The following SORBS2 variants were observed in gnomAD, a reference collection of about 807,000 sequenced individuals.
SORBS2 encodes the protein sorbin and SH3 domain containing 2, also known as sorbin and SH3 domain-containing protein 2.
A neutral mutation model predicts 97.7 loss-of-function variants in SORBS2; 46 were observed. The observed-to-expected ratio is 0.47, with a 90% CI of 0.37 to 0.60. SORBS2 has a LOEUF of 0.60. Among genes scored for constraint, SORBS2 ranks in the 20% least tolerant of loss-of-function variants. SORBS2 has a pLI of 0.00. For synonymous variants in SORBS2, 476 were observed against 473.4 expected, an observed-to-expected ratio of 1.01 and a Z score of -0.07; for missense variants, 1,316 against 1,282.3, an observed-to-expected ratio of 1.03 and a Z score of -0.40.
In SORBS2 at chr4:185,650,602, C is replaced by T. The variant is rs2097297048; in HGVS notation, c.92-946G>A. 3.3e-5 allele frequency among the ~76,000 whole-genome samples: 5 copies of T among 152,174 alleles called. No homozygotes were observed. In the South Asian group the frequency reaches 6.2e-4, roughly 19 times the overall value. ...AACAGTTATAAAAATTCTAAATTTT[C>T]CTGCACCCAATCATTGGAGCTAATT... is the stretch of plus-strand genomic sequence containing the variant. On this transcript the variant is annotated intron_variant, in intron 2 of 14. Transcript: ENST00000418609.
At chr4:185,921,263 A>G (rs893855543) in intron 1 of SORBS2, among the ~76,000 whole-genome samples, 2 of 152,256 alleles carry the variant, frequency 1.3e-5, no homozygotes, top group African/African-American at 4.8e-5. Context: ...AATTGGGGAT[A>G]ACATCAATAC....
intron 1 of SORBS2, among the ~76,000 whole-genome samples, chr4:185,912,436 T>C (rs1331100775): frequency 2.8e-4 from 43 of 151,276 alleles, no homozygotes; most frequent in African/African-American, 1.0e-3. Context: ...AATACAAAAA[T>C]TAGCTGGCTG....
chr4:185,740,844 C>A (rs1197105573), intron 2 of SORBS2, among the ~76,000 whole-genome samples: 1 of 152,060 alleles, frequency 6.6e-6, no homozygotes, highest in Non-Finnish European at 1.5e-5. Flanking sequence ...CAGCCCAGCA[C>A]CAACTCAGAT....
chr4:185,638,826 CA>C, intron 4 of SORBS2, 50 bp downstream of exon 14: 7 of 1,407,956 alleles, frequency 5.0e-6, no homozygotes, highest in Non-Finnish European at 6.5e-6. Context: ...GCAAGGGCTG[CA>C]CCTGCACCTC....
At chr4:185,611,453 A>G (rs1284732399) in intron 12 of SORBS2, among the ~76,000 whole-genome samples, 1 of 151,952 alleles carries the variant, frequency 6.6e-6, no homozygotes, top group African/African-American at 2.4e-5. Context: ...TTTAGGAAAA[A>G]ATTATTTCAG....
intron 4 of SORBS2, 139 bp from the exon 16 acceptor site, chr4:185,635,550 G>T: frequency 1.6e-6 from 1 of 642,942 alleles, no homozygotes; most frequent in South Asian, 2.0e-5. Flanking sequence ...CAAACAGAAT[G>T]ACATGAATGG....
At chr4:185,902,766 G>A (rs1031301055) in intron 1 of SORBS2, among the ~76,000 whole-genome samples, 3 of 151,850 alleles carry the variant, frequency 2.0e-5, no homozygotes, top group African/African-American at 7.3e-5. Flanking sequence ...TGCTAAAGCT[G>A]CTAGAACATT....
At chr4:185,622,875 C>A in intron 7 of SORBS2, 39 bp downstream of exon 19, 1 of 1,542,036 alleles carries the variant, frequency 6.5e-7, no homozygotes, top group Non-Finnish European at 8.7e-7. Flanking sequence ...GAGGGTGGGT[C>A]TCTGAACCAC....
intron 1 of SORBS2, among the ~76,000 whole-genome samples, chr4:185,836,779 T>C (rs764695333): frequency 6.6e-6 from 1 of 152,172 alleles, no homozygotes; most frequent in Admixed American, 6.5e-5. Context: ...TATAGAAAAA[T>C]GTTCTTTTGA....
chr4:185,805,946 G>A (rs2099151492), intron 1 of SORBS2, among the ~76,000 whole-genome samples: 1 of 152,190 alleles, frequency 6.6e-6, no homozygotes, highest in Admixed American at 6.5e-5. Flanking sequence ...TGGGTGTGAA[G>A]GCATCTTGAT....
chr4:185,714,523 AG>A (rs2098449041), intron 2 of SORBS2, among the ~76,000 whole-genome samples: 1 of 152,196 alleles, frequency 6.6e-6, no homozygotes, highest in Non-Finnish European at 1.5e-5. Flanking sequence ...GTTTCACAAC[AG>A]CAATTAGGTA....
chr4:185,840,816 A>G (rs748420914), intron 1 of SORBS2, among the ~76,000 whole-genome samples: 11 of 152,168 alleles, frequency 7.2e-5, no homozygotes, highest in Non-Finnish European at 1.6e-4. Flanking sequence ...CAGCTCTGGA[A>G]GATGTTCACT....
chr4:185,753,996 C>G (rs886131297), intron 2 of SORBS2, among the ~76,000 whole-genome samples: 1 of 152,046 alleles, frequency 6.6e-6, no homozygotes, highest in African/African-American at 2.4e-5. Flanking sequence ...GACACATGCA[C>G]GCATATATTC....
chr4:185,727,147 T>C (rs181376302), intron 2 of SORBS2, among the ~76,000 whole-genome samples: 40 of 152,348 alleles, frequency 2.6e-4, no homozygotes, highest in Non-Finnish European at 5.1e-4. Context: ...TTGCTTGGTG[T>C]GATTTCCATG....
intron 2 of SORBS2, among the ~76,000 whole-genome samples, chr4:185,762,834 A>G (rs1290652933): frequency 6.6e-6 from 1 of 152,228 alleles, no homozygotes; most frequent in African/African-American, 2.4e-5. Flanking sequence ...AGTTAAGAAC[A>G]TGGCATCCCA....
At chr4:185,589,332 T>G (rs1012328813) in intron 14 of SORBS2, 6 of 202,454 alleles carry the variant, frequency 3.0e-5, no homozygotes, top group African/African-American at 1.4e-4. Flanking sequence ...TGTGGACAAC[T>G]AACATTTTCC....
At chr4:185,944,154 G>T in intron 1 of SORBS2, among the ~76,000 whole-genome samples, 1 of 152,162 alleles carries the variant, frequency 6.6e-6, no homozygotes, top group Non-Finnish European at 1.5e-5. Context: ...ACACAGGAAA[G>T]CCCTCATACG....
At chr4:185,649,569 T>C (rs765379319) in exon 3 of SORBS2, 9 of 1,605,524 alleles carry the variant, frequency 5.6e-6, no homozygotes, top group South Asian at 1.1e-5. Flanking sequence ...ATTGGGGCTG[T>C]TGTCGGAGTG....
chr4:185,786,974 C>G (rs2153640824), intron 1 of SORBS2, among the ~76,000 whole-genome samples: 1 of 95,030 alleles, frequency 1.1e-5, no homozygotes, highest in Non-Finnish European at 1.9e-5. Context: ...TTTTGAGGCT[C>G]TGTCTCAAAA....
Sources: gnomAD v4.1 joint callset for allele counts (sites outside exome capture counted in the v4.1 genomes callset) on GRCh38, gnomAD v4.1.1 for gene constraint, MANE v1.5 for transcripts, NCBI Gene and HGNC (gene_info 2026-07-23, HGNC 2026-07-21) for gene names.